The following CRTC3 variants were observed in gnomAD, a reference collection of about 807,000 sequenced individuals.
CRTC3 encodes the protein CREB-regulated transcription coactivator 3.
Under a neutral mutation model 74.5 loss-of-function variants are expected in CRTC3, and 26 were observed. The observed-to-expected ratio is 0.35, with a 90% CI of 0.26 to 0.48. The LOEUF (loss-of-function observed/expected upper bound fraction) is 0.48. CRTC3 is among the 20% of genes least tolerant of loss of function. CRTC3 has a pLI of 0.99. For missense variants in CRTC3, 760 were observed against 787.3 expected (o/e 0.97, Z 0.41); for synonymous variants, 377 against 325.8 (o/e 1.16, Z -1.69).
intron 1 of CRTC3, among the ~76,000 whole-genome samples, chr15:90,538,519 A>T (rs1409652244): frequency 6.6e-6 from 1 of 152,218 alleles, no homozygotes; most frequent in Non-Finnish European, 1.5e-5. Context: ...TTTTGAGAAT[A>T]CATATTGAAA....
At chr15:90,610,618 C>G (rs568319014) in intron 6 of CRTC3, among the ~76,000 whole-genome samples, 1 of 152,316 alleles carries the variant, frequency 6.6e-6, no homozygotes, top group Non-Finnish European at 1.5e-5. Context: ...TTTATAATTT[C>G]TCTCTTTTTG....
At chr15:90,605,460 C>T (rs1335663870) in intron 5 of CRTC3, among the ~76,000 whole-genome samples, 1 of 152,124 alleles carries the variant, frequency 6.6e-6, no homozygotes, top group African/African-American at 2.4e-5. Flanking sequence ...CCGACGAGAA[C>T]CTTTTTTAAA....
rs78881072 is a variant in CRTC3, at chr15:90,554,875, A to G, written c.231+14738A>G. Among the ~76,000 whole-genome samples the G allele has an allele frequency of 9.5e-3, 1,453 of 152,334 alleles. 21 individuals are homozygous for G. Among genetic ancestry groups the G allele is most frequent in the African/African-American group, 0.033 (1,386 of 41,564 alleles). ...ACAAGTTATGTTTCTTACTAAAAGT[A>G]CCAATGGTTGGGAATTATTTTTTAA... On this transcript the variant is annotated intron_variant, in intron 2 of 14. Transcript: ENST00000268184.
At chr15:90,610,414 C>T (rs916412463) in intron 6 of CRTC3, among the ~76,000 whole-genome samples, 11 of 152,202 alleles carry the variant, frequency 7.2e-5, no homozygotes, top group African/African-American at 2.7e-4. Flanking sequence ...AGGAGAGCAT[C>T]TGCTCACGGC....
At chr15:90,627,797 G>A (rs1470127941) in intron 10 of CRTC3, among the ~76,000 whole-genome samples, 2 of 149,552 alleles carry the variant, frequency 1.3e-5, no homozygotes, top group Non-Finnish European at 3.0e-5. Context: ...AATTTTTTTA[G>A]TAGAGACGGG....
intron 2 of CRTC3, among the ~76,000 whole-genome samples, chr15:90,553,185 T>A (rs187404181): frequency 5.3e-4 from 80 of 152,370 alleles, no homozygotes; most frequent in African/African-American, 1.8e-3. Flanking sequence ...GACATTTTTC[T>A]GACCTTGTCT....
At chr15:90,639,277 G>A (rs1300213040) in intron 13 of CRTC3, among the ~76,000 whole-genome samples, 6 of 152,002 alleles carry the variant, frequency 3.9e-5, no homozygotes, top group South Asian at 2.1e-4. Flanking sequence ...AGGGGAGTGC[G>A]TTCCGTAAGG....
chr15:90,614,191 C>T (rs1010426285), intron 6 of CRTC3: 13 of 364,102 alleles, frequency 3.6e-5, no homozygotes, highest in Non-Finnish European at 5.5e-5. Flanking sequence ...AATTGTTCTC[C>T]TCTCAGGACA....
At chr15:90,598,363 A>T (rs7180495) in intron 3 of CRTC3, 107 of 696,380 alleles carry the variant, frequency 1.5e-4, no homozygotes, top group African/African-American at 1.4e-3. Context: ...TAAACTGGCC[A>T]ACTGATGTCC....
chr15:90,619,750 C>A lies in CRTC3; in HGVS notation c.709C>A (p.Leu237Met), dbSNP rs780188941. Residue 237 changes from leucine (L) to methionine (M), a missense_variant, in exon 9 of 15, where the codon CTG (leucine) becomes ATG (methionine). Leu to Met is a conservative substitution (Grantham distance 15). Transcript: ENST00000268184. ...CATTGTCTCTTCTCAGATTCAGTCC[C>A]TGTCAGGACGCCCTCGATCCTGTGA... is the stretch of plus-strand genomic sequence containing the variant. The part of the protein sequence containing the change: ...QLWETKEIQS[L>M]SGRPRSCDVG... 17 of 1,613,802 alleles carry A rather than the reference C, an allele frequency of 1.1e-5. No individual in the cohort carries two copies. The highest frequency in any genetic ancestry group is 6.7e-5 in the Admixed American group (4 of 60,002).
chr15:90,551,168 G>A (rs1966855435), intron 2 of CRTC3, among the ~76,000 whole-genome samples: 1 of 152,146 alleles, frequency 6.6e-6, no homozygotes, highest in Admixed American at 6.5e-5. Flanking sequence ...TGATGATAAT[G>A]ACGGTTACTT....
intron 2 of CRTC3, among the ~76,000 whole-genome samples, chr15:90,549,306 A>G (rs28637049): frequency 9.1e-5 from 13 of 142,160 alleles, no homozygotes; most frequent in African/African-American, 2.9e-4. Flanking sequence ...GTGTGTGTGT[A>G]TGTGTGTGTG....
At chr15:90,633,048 C>G (rs1969098775) in intron 11 of CRTC3, among the ~76,000 whole-genome samples, 2 of 152,180 alleles carry the variant, frequency 1.3e-5, no homozygotes, top group African/African-American at 4.8e-5. Context: ...CACATGTGCA[C>G]ACACAATTTC....
chr15:90,550,756 C>T (rs1405707675), intron 2 of CRTC3, among the ~76,000 whole-genome samples: 1 of 151,880 alleles, frequency 6.6e-6, no homozygotes, highest in African/African-American at 2.4e-5. Flanking sequence ...TAATCCAGAA[C>T]CCCTTTGCTT....
At chr15:90,538,992 T>G (rs941027966) in intron 1 of CRTC3, among the ~76,000 whole-genome samples, 4 of 152,100 alleles carry the variant, frequency 2.6e-5, no homozygotes, top group Admixed American at 2.6e-4. Context: ...TGGGGAGGAT[T>G]AGGGATGAAG....
chr15:90,632,267 G>C (rs980349382), intron 11 of CRTC3, among the ~76,000 whole-genome samples: 1 of 152,002 alleles, frequency 6.6e-6, no homozygotes, highest in African/African-American at 2.4e-5. Context: ...TCCCCTTTCA[G>C]ATGTGTTTTT....
intron 2 of CRTC3, among the ~76,000 whole-genome samples, chr15:90,571,516 C>T (rs118011960): frequency 0.015 from 2,298 of 152,262 alleles, 29 homozygotes; most frequent in Non-Finnish European, 0.023. Flanking sequence ...AAGTAGGAAC[C>T]AGATCACAAA....
rs141632879 is a variant in CRTC3 at position 90,598,336 on chromosome 15, G to A, written c.352-3988G>A. 2.2e-3 allele frequency: 1,487 copies of A among 677,354 alleles called. 2 individuals are homozygous for A. The highest frequency in any genetic ancestry group is 2.6e-3 in the Non-Finnish European group (953 of 371,186). 42.0% of individuals were successfully genotyped at this position (677,354 alleles called of 1,614,324 possible). A position where few individuals can be genotyped will look rare whatever the true frequency, so the allele number is the denominator to read the frequency against. On this transcript the variant is annotated intron_variant, in intron 3 of 14. Transcript: ENST00000268184. ...TCTTGTTTTCAGCTTCTGTGGCTCA[G>A]TAACCCCACCCACTGGTAAACTGGC... is the stretch of plus-strand genomic sequence containing the variant.
At chr15:90,554,590 A>G (rs1176009141) in intron 2 of CRTC3, among the ~76,000 whole-genome samples, 2 of 152,152 alleles carry the variant, frequency 1.3e-5, no homozygotes, top group Non-Finnish European at 2.9e-5. Flanking sequence ...TATTGCCACA[A>G]CTACAGCGTA....
Sources: gnomAD v4.1 joint callset for allele counts (sites outside exome capture counted in the v4.1 genomes callset) on GRCh38, gnomAD v4.1.1 for gene constraint, MANE v1.5 for transcripts, NCBI Gene and HGNC (gene_info 2026-07-23, HGNC 2026-07-21) for gene names.